XRCC4: variants seen among roughly 807,000 people sequenced by gnomAD.
XRCC4 encodes the protein X-ray repair cross complementing 4.
In XRCC4, 28 loss-of-function variants were observed where a neutral mutation model predicts 39.1. The ratio of observed to expected loss-of-function variants is 0.72; its 90% CI spans 0.53 to 0.98. XRCC4 has a LOEUF of 0.98. Ranked by LOEUF, XRCC4 falls within the 50% of genes least tolerant of loss-of-function variation. The pLI is 0.00. For synonymous variants in XRCC4, 123 were observed against 126.4 expected, an observed-to-expected ratio of 0.97 and a Z score of 0.18; for missense variants, 350 against 376.4, an observed-to-expected ratio of 0.93 and a Z score of 0.58.
chr5:83,290,243 C>T (rs965841911), intron 7 of XRCC4, among the ~76,000 whole-genome samples: 13 of 151,688 alleles, frequency 8.6e-5, no homozygotes, highest in African/African-American at 3.1e-4. Flanking sequence ...AAAAGATTAT[C>T]TTTACGTATT....
At chr5:83,351,080 C>T (rs1757068281) in intron 7 of XRCC4, among the ~76,000 whole-genome samples, 1 of 152,110 alleles carries the variant, frequency 6.6e-6, no homozygotes, top group Non-Finnish European at 1.5e-5. Flanking sequence ...CCTTGCCATT[C>T]TCATGATAGT....
intron 1 of XRCC4, among the ~76,000 whole-genome samples, chr5:83,100,310 G>C (rs1745870195): frequency 1.3e-5 from 2 of 152,004 alleles, no homozygotes; most frequent in African/African-American, 4.8e-5. Flanking sequence ...GAAAATATTT[G>C]AAACATGAAT....
intron 6 of XRCC4, among the ~76,000 whole-genome samples, chr5:83,248,096 C>G (rs1753176469): frequency 6.6e-6 from 1 of 152,038 alleles, no homozygotes; most frequent in South Asian, 2.1e-4. Context: ...CAACTCAACT[C>G]TCAGTTGAGC....
rs181075180 is a variant in XRCC4 at position 83,329,012 on chromosome 5, C to A, written c.894-24119C>A. 1.1e-3 allele frequency among the ~76,000 whole-genome samples: 165 copies of A among 152,196 alleles called. 1 individual carries two copies. Among genetic ancestry groups the A allele is most frequent in the Middle Eastern group, 3.4e-3 (1 of 294 alleles). ...GACTCCAACAACTCCTAGCCTCAAG[C>A]AATTCTCCCACTTAAGCCTCCTTAT... On this transcript the variant is annotated intron_variant, in intron 7 of 7. Coordinates refer to ENST00000396027, the MANE Select transcript of XRCC4 (RefSeq NM_003401.5).
chr5:83,230,418 A>G (rs1384109353), intron 6 of XRCC4, among the ~76,000 whole-genome samples: 1 of 151,980 alleles, frequency 6.6e-6, no homozygotes, highest in Non-Finnish European at 1.5e-5. Flanking sequence ...TGGAATCCAC[A>G]CTCACGTAAA....
At chr5:83,272,603 A>G (rs1403434760) in intron 7 of XRCC4, among the ~76,000 whole-genome samples, 4 of 151,866 alleles carry the variant, frequency 2.6e-5, no homozygotes, top group Non-Finnish European at 5.9e-5. Context: ...GACAGGCCAC[A>G]GTATGTGATG....
intron 6 of XRCC4, among the ~76,000 whole-genome samples, chr5:83,217,371 A>AC (rs1751905910): frequency 6.6e-6 from 1 of 151,570 alleles, no homozygotes; most frequent in South Asian, 2.1e-4. Flanking sequence ...AAAAAAAAAA[A>AC]AAAAAACCAT....
intron 3 of XRCC4, among the ~76,000 whole-genome samples, chr5:83,142,947 G>A (rs950339972): frequency 1.3e-5 from 2 of 151,996 alleles, no homozygotes; most frequent in African/African-American, 2.4e-5. Context: ...TTCTTAATGG[G>A]GTTGCTTGCC....
chr5:83,206,999 C>CA (rs758032130), intron 6 of XRCC4, among the ~76,000 whole-genome samples: 17 of 152,164 alleles, frequency 1.1e-4, no homozygotes, highest in Admixed American at 2.0e-4. Flanking sequence ...AATACACACA[C>CA]AATCATACTT....
intron 7 of XRCC4, among the ~76,000 whole-genome samples, chr5:83,277,929 A>G (rs1754391704): frequency 6.6e-6 from 1 of 152,256 alleles, no homozygotes; most frequent in African/African-American, 2.4e-5. Flanking sequence ...CTTGTTTAAT[A>G]AAGAAAACAA....
chr5:83,334,676 T>C lies in XRCC4; in HGVS notation c.894-18455T>C, dbSNP rs186170194. ...CGTACATTATATGTATGTGTGTGCA[T>C]ATATATATATATATAAGATAGACAC... On this transcript the variant is annotated intron_variant, in intron 7 of 7. Transcript: ENST00000396027. Among the ~76,000 whole-genome samples, 492 of 144,936 alleles carry C rather than the reference T, an allele frequency of 3.4e-3. 14 individuals carry two copies. In the East Asian group the frequency reaches 0.075, roughly 22 times the overall value.
At chr5:83,093,491 A>C (rs1745528205) in intron 1 of XRCC4, among the ~76,000 whole-genome samples, 1 of 152,228 alleles carries the variant, frequency 6.6e-6, no homozygotes, top group Admixed American at 6.5e-5. Context: ...ATTCCATCTT[A>C]ACACCAACAG....
chr5:83,342,025 C>G (rs1038985176), intron 7 of XRCC4, among the ~76,000 whole-genome samples: 5 of 152,302 alleles, frequency 3.3e-5, no homozygotes, highest in South Asian at 4.1e-4. Context: ...GAATAACTTT[C>G]CACCAACGTG....
At chr5:83,202,131 T>C (rs1284005126) in intron 4 of XRCC4, 2 of 151,182 alleles carry the variant, frequency 1.3e-5, no homozygotes, top group African/African-American at 4.9e-5. Flanking sequence ...CAGAACAGGA[T>C]ATTGAAAAGA....
Position 83,353,284 on chromosome 5 carries a change from C to G in XRCC4, c.*42C>G, listed in dbSNP as rs370065872. 4.0e-5 allele frequency: 56 copies of G among 1,406,628 alleles called. No homozygotes were observed. Among genetic ancestry groups the G allele is most frequent in the Non-Finnish European group, 1.2e-5 (12 of 1,029,146 alleles). The allele number at this position is 1,406,628 out of a possible 1,614,324, so 87.1% of individuals were successfully genotyped here. ...TTTGATGTTCACTAGACTATGTTTTCTATTCATTTCTTTAAAATGAAAAAG... is the reference window on the plus strand; with the variant it reads ...TTTGATGTTCACTAGACTATGTTTTGTATTCATTTCTTTAAAATGAAAAAG... On this transcript the variant is annotated 3_prime_UTR_variant, in exon 8 of 8. Transcript: ENST00000396027.
At chr5:83,212,925 T>TAA (rs777025309) in intron 6 of XRCC4, among the ~76,000 whole-genome samples, 18 of 61,532 alleles carry the variant, frequency 2.9e-4, no homozygotes, top group African/African-American at 4.8e-4. Flanking sequence ...AGATTCCATC[T>TAA]AAAAAAAAAA....
chr5:83,086,357 A>G (rs1489270953), intron 1 of XRCC4, among the ~76,000 whole-genome samples: 1 of 152,206 alleles, frequency 6.6e-6, no homozygotes, highest in Non-Finnish European at 1.5e-5. Context: ...AGCCTCATCA[A>G]TAACATAAAC....
chr5:83,181,053 CTT>C (rs374001978), intron 3 of XRCC4, among the ~76,000 whole-genome samples: 1 of 139,370 alleles, frequency 7.2e-6, no homozygotes. Context: ...TTTAAACTTT[CTT>C]TTTTTTTTTT....
chr5:83,212,394 A>G (rs373942481), intron 6 of XRCC4, among the ~76,000 whole-genome samples: 1 of 152,182 alleles, frequency 6.6e-6, no homozygotes, highest in Non-Finnish European at 1.5e-5. Context: ...ATATAGATCA[A>G]TAGAGTGAAT....
Sources: allele counts gnomAD v4.1 joint callset (sites outside exome capture counted in the v4.1 genomes callset), GRCh38; gene constraint gnomAD v4.1.1; transcripts MANE v1.5; gene names NCBI Gene and HGNC (gene_info 2026-07-23, HGNC 2026-07-21).